ZCCHC7: variants seen among roughly 807,000 people sequenced by gnomAD.
ZCCHC7 encodes zinc finger CCHC-type containing 7, also known as zinc finger CCHC domain-containing protein 7.
In ZCCHC7, 35 loss-of-function variants were observed where a neutral mutation model predicts 52.0. The observed-to-expected ratio is 0.67, with a 90% CI of 0.51 to 0.89. ZCCHC7 has a LOEUF of 0.89. Among genes scored for constraint, ZCCHC7 ranks in the 40% least tolerant of loss-of-function variants. The pLI, the probability that ZCCHC7 is intolerant of heterozygous loss-of-function variation, is 0.00. For missense variants in ZCCHC7, 574 were observed against 649.1 expected (o/e 0.88, Z 1.26); for synonymous variants, 217 against 221.5 (o/e 0.98, Z 0.18).
At chr9:37,222,502 A>G (rs1824879708) in intron 2 of ZCCHC7, among the ~76,000 whole-genome samples, 1 of 152,080 alleles carries the variant, frequency 6.6e-6, no homozygotes, top group Admixed American at 6.6e-5. Context: ...TATACATCAA[A>G]ATAAATTCTA....
At chr9:37,233,776 G>T (rs372970380) in intron 2 of ZCCHC7, among the ~76,000 whole-genome samples, 3 of 152,136 alleles carry the variant, frequency 2.0e-5, no homozygotes, top group Non-Finnish European at 2.9e-5. Flanking sequence ...AATGATGGAG[G>T]GTTTTAGAAA....
Position 37,280,768 on chromosome 9 carries a change from CTCTT to C in ZCCHC7, c.611-21418_611-21415del, listed in dbSNP as rs369700462. Among the ~76,000 whole-genome samples, 81 of 152,026 alleles carry C rather than the reference CTCTT, an allele frequency of 5.3e-4. 2 individuals carry two copies. The South Asian group carries it at 0.015, about 29-fold the overall frequency. On this transcript the variant is annotated intron_variant, in intron 2 of 8. Transcript: ENST00000336755. ...TCTGTCTCTCTCTCTCTCTTTCTTT[CTCTT>C]TGTCTTTCTTTCTTGAGACAGAGTC...
chr9:37,226,247 CTT>C (rs980302259), intron 2 of ZCCHC7, among the ~76,000 whole-genome samples: 9 of 152,058 alleles, frequency 5.9e-5, no homozygotes, highest in African/African-American at 2.2e-4. Flanking sequence ...ATGTATAACA[CTT>C]TTGCAGTGAA....
intron 2 of ZCCHC7, among the ~76,000 whole-genome samples, chr9:37,216,352 T>C (rs1483595821): frequency 1.3e-5 from 2 of 152,202 alleles, no homozygotes; most frequent in Non-Finnish European, 2.9e-5. Flanking sequence ...ACCTTTCCAA[T>C]TTTATTTGCT....
At position 37,354,863 on chromosome 9, in the gene ZCCHC7, A is replaced by G; in HGVS notation, c.1198+39A>G. ...CTTCTTGTTAGATCACATTTGCAGTAGTTTCTAAATTTCTTTGTTTGTACT... is the reference window on the plus strand; with the variant it reads ...CTTCTTGTTAGATCACATTTGCAGTGGTTTCTAAATTTCTTTGTTTGTACT... On this transcript the variant is annotated intron_variant, in intron 8 of 8. Coordinates refer to ENST00000336755, the MANE Select transcript of ZCCHC7 (RefSeq NM_032226.3). The surrounding 1 kb of genome is among the most constrained non-coding windows in gnomAD (Gnocchi z 4.0). The G allele has an allele frequency of 1.4e-6, 2 of 1,387,588 alleles. No homozygotes were observed. The highest frequency in any genetic ancestry group is 2.0e-6 in the Non-Finnish European group (2 of 991,960). 86.0% of individuals were successfully genotyped at this position (1,387,588 alleles called of 1,614,324 possible). A position where few individuals can be genotyped will look rare whatever the true frequency, so the allele number is the denominator to read the frequency against.
intron 5 of ZCCHC7, among the ~76,000 whole-genome samples, chr9:37,313,669 G>A (rs932048434): frequency 2.6e-5 from 4 of 152,294 alleles, no homozygotes; most frequent in African/African-American, 9.6e-5. Flanking sequence ...TGCTGTTCTT[G>A]CAATAGTAAG....
intron 4 of ZCCHC7, among the ~76,000 whole-genome samples, chr9:37,304,530 G>A (rs570836558): frequency 6.6e-6 from 1 of 151,992 alleles, no homozygotes. Context: ...GATGGCGGGC[G>A]CCTGTAGTCC....
chr9:37,286,994 CCCCTCCT>C (rs1828278457), intron 2 of ZCCHC7, among the ~76,000 whole-genome samples: 1 of 810 alleles, frequency 1.2e-3, no homozygotes. Context: ...CCCTCCCTCC[CCCCTCCT>C]TCCCTCCCTC....
intron 2 of ZCCHC7, among the ~76,000 whole-genome samples, chr9:37,278,836 C>T (rs995698607): frequency 2.0e-5 from 3 of 152,058 alleles, no homozygotes; most frequent in East Asian, 1.9e-4. Context: ...ATTCTACATC[C>T]GGCAGAAATA....
intron 6 of ZCCHC7, among the ~76,000 whole-genome samples, chr9:37,347,147 CCT>C (rs945617004): frequency 6.6e-6 from 1 of 152,178 alleles, no homozygotes; most frequent in African/African-American, 2.4e-5. Context: ...TTTTTCTCCC[CCT>C]GTTTACAGCC....
At chr9:37,161,715 G>A (rs1240398192) in intron 2 of ZCCHC7, among the ~76,000 whole-genome samples, 1 of 152,188 alleles carries the variant, frequency 6.6e-6, no homozygotes, top group African/African-American at 2.4e-5. Context: ...GTCTTTACAT[G>A]GCAGCTATAG....
At chr9:37,171,026 T>C (rs551963286) in intron 2 of ZCCHC7, among the ~76,000 whole-genome samples, 1 of 152,346 alleles carries the variant, frequency 6.6e-6, no homozygotes, top group South Asian at 2.1e-4. Flanking sequence ...TTAACTAGTA[T>C]TTATACTTGT....
intron 2 of ZCCHC7, among the ~76,000 whole-genome samples, chr9:37,204,241 T>C (rs1179221202): frequency 1.3e-5 from 2 of 152,222 alleles, no homozygotes; most frequent in Non-Finnish European, 2.9e-5. Context: ...AAAAATTTTC[T>C]CCCATTCTGT....
intron 2 of ZCCHC7, among the ~76,000 whole-genome samples, chr9:37,270,803 AT>A (rs1440043309): frequency 3.7e-5 from 1 of 26,776 alleles, no homozygotes; most frequent in Non-Finnish European, 7.3e-5. Flanking sequence ...GTTTCCAGCA[AT>A]AATAAAAAAA....
At chr9:37,255,823 G>C (rs567098948) in intron 2 of ZCCHC7, among the ~76,000 whole-genome samples, 145 of 152,212 alleles carry the variant, frequency 9.5e-4, no homozygotes, top group African/African-American at 3.4e-3. Flanking sequence ...GTAGGTTCTA[G>C]AGTGCAAGAA....
At chr9:37,151,918 C>G (rs1820552548) in intron 2 of ZCCHC7, among the ~76,000 whole-genome samples, 1 of 152,106 alleles carries the variant, frequency 6.6e-6, no homozygotes, top group South Asian at 2.1e-4. Flanking sequence ...TCTGGTAGCT[C>G]AGTGCTACAT....
chr9:37,165,588 A>G (rs1388233631), intron 2 of ZCCHC7, among the ~76,000 whole-genome samples: 1 of 152,206 alleles, frequency 6.6e-6, no homozygotes, highest in Admixed American at 6.5e-5. Flanking sequence ...AGTGAATTAC[A>G]TGACTTGAAT....
chr9:37,265,433 C>G (rs906059745), intron 2 of ZCCHC7, among the ~76,000 whole-genome samples: 2 of 152,152 alleles, frequency 1.3e-5, no homozygotes, highest in African/African-American at 2.4e-5. Context: ...CCTCCCATCC[C>G]CAATCCAGTT....
At chr9:37,220,595 A>T (rs546402841) in intron 2 of ZCCHC7, among the ~76,000 whole-genome samples, 60 of 152,282 alleles carry the variant, frequency 3.9e-4, no homozygotes, top group African/African-American at 1.1e-3. Context: ...AGTGATTGAT[A>T]GATAGTACTG....
Sources: gnomAD v4.1 joint callset for allele counts (sites outside exome capture counted in the v4.1 genomes callset) on GRCh38, gnomAD v4.1.1 for gene constraint, Gnocchi (gnomAD v3.1) non-coding constraint, MANE v1.5 for transcripts, NCBI Gene and HGNC (gene_info 2026-07-23, HGNC 2026-07-21) for gene names.